DOCK4: variants seen among roughly 807,000 people sequenced by gnomAD.
DOCK4 encodes the protein dedicator of cytokinesis protein 4.
Under a neutral mutation model 268.1 loss-of-function variants are expected in DOCK4, and 97 were observed. That is an observed-to-expected ratio of 0.36 (90% CI 0.31 to 0.43). The LOEUF (loss-of-function observed/expected upper bound fraction) is 0.43. DOCK4 is among the 20% of genes least tolerant of loss of function. The pLI is 1.00. For synonymous variants in DOCK4, 954 were observed against 887.2 expected, an observed-to-expected ratio of 1.08 and a Z score of -1.34; for missense variants, 2,145 against 2,455.7, an observed-to-expected ratio of 0.87 and a Z score of 2.67.
At chr7:111,783,774 G>A in intron 34 of DOCK4, 83 bp downstream of exon 34, 1 of 1,209,504 alleles carries the variant, frequency 8.3e-7, no homozygotes, top group Non-Finnish European at 1.2e-6. Flanking sequence ...TCACAAGAGT[G>A]GAACGTTGAT....
At chr7:111,797,392 C>A (rs183074448) in intron 30 of DOCK4, among the ~76,000 whole-genome samples, 2 of 152,198 alleles carry the variant, frequency 1.3e-5, no homozygotes, top group African/African-American at 4.8e-5. Flanking sequence ...TTCCGAAGAC[C>A]CTAATAGGTA....
intron 15 of DOCK4, among the ~76,000 whole-genome samples, chr7:111,897,371 T>C (rs28472754): frequency 0.47 from 70,890 of 151,384 alleles, 18,202 homozygotes; most frequent in African/African-American, 0.7. Context: ...TCTTTCTTAA[T>C]GTCATTTAAT....
chr7:111,983,366 A>C (rs1798752933), intron 7 of DOCK4, among the ~76,000 whole-genome samples: 2 of 152,172 alleles, frequency 1.3e-5, no homozygotes, highest in Admixed American at 6.5e-5. Flanking sequence ...ATCATCCAAA[A>C]AGGAGTCTAC....
chr7:112,161,505 T>G lies in DOCK4; in HGVS notation c.37+44597A>C, dbSNP rs902709879. The stretch of plus-strand genomic sequence containing the variant: ...GAAAGGGTAACCAGAGAATTTTGCT[T>G]TGACCCTGGGATCTGTCTTTATCAT... On this transcript the variant is annotated intron_variant, in intron 1 of 52. Transcript: ENST00000428084. Among the ~76,000 whole-genome samples, 10 of 152,236 alleles carry G rather than the reference T, an allele frequency of 6.6e-5. 1 individual carries two copies. Among genetic ancestry groups the G allele is most frequent in the Admixed American group, 6.5e-4 (10 of 15,282 alleles).
At chr7:111,781,899 C>T (rs1235919666) in intron 35 of DOCK4, among the ~76,000 whole-genome samples, 1 of 152,052 alleles carries the variant, frequency 6.6e-6, no homozygotes, top group African/African-American at 2.4e-5. Flanking sequence ...AAATAGAGAA[C>T]TATATGGCAT....
chr7:112,160,052 T>C (rs541097155), intron 1 of DOCK4, among the ~76,000 whole-genome samples: 1 of 151,920 alleles, frequency 6.6e-6, no homozygotes, highest in Non-Finnish European at 1.5e-5. Context: ...GTAAATATAA[T>C]GCAAATATTT....
chr7:111,930,749 C>T (rs1397664372), intron 12 of DOCK4, among the ~76,000 whole-genome samples: 1 of 152,140 alleles, frequency 6.6e-6, no homozygotes, highest in African/African-American at 2.4e-5. Context: ...CATGAATGTG[C>T]CTCCCTTTCA....
At position 111,741,357 on chromosome 7, in the gene DOCK4, G is replaced by A. The variant is rs1027301648; in HGVS notation, c.4920-143C>T. 4 of 1,417,708 alleles carry A rather than the reference G, an allele frequency of 2.8e-6. No homozygotes were observed. The Admixed American group carries it at 6.4e-5, about 23-fold the overall frequency. The allele number at this position is 1,417,708 out of a possible 1,614,324, so 87.8% of individuals were successfully genotyped here. A position where few individuals can be genotyped will look rare whatever the true frequency, so the allele number is the denominator to read the frequency against. ...TGCCTCAATATAATCAAATGTTTGAGTTTATTTATTTCTCATGCTGTTGCT... is the reference window on the plus strand; with the variant it reads ...TGCCTCAATATAATCAAATGTTTGAATTTATTTATTTCTCATGCTGTTGCT... On this transcript the variant is annotated intron_variant, in intron 46 of 52. Coordinates refer to ENST00000428084, the MANE Select transcript of DOCK4 (RefSeq NM_001363540.2).
At chr7:111,761,414 C>G (rs551419247) in intron 39 of DOCK4, among the ~76,000 whole-genome samples, 1 of 152,230 alleles carries the variant, frequency 6.6e-6, no homozygotes, top group East Asian at 1.9e-4. Context: ...AAATTCTGGT[C>G]TGAGTCCAAA....
At chr7:112,019,390 C>G (rs1379992380) in intron 1 of DOCK4, among the ~76,000 whole-genome samples, 4 of 152,108 alleles carry the variant, frequency 2.6e-5, no homozygotes, top group Admixed American at 2.6e-4. Flanking sequence ...ATTTTATAGC[C>G]TCTGCTAACA....
At position 111,972,977 on chromosome 7, in the gene DOCK4, C is replaced by T. The variant is rs114754827; in HGVS notation, c.701+4155G>A. On this transcript the variant is annotated intron_variant, in intron 8 of 52. Coordinates refer to ENST00000428084, the MANE Select transcript of DOCK4 (RefSeq NM_001363540.2). ...TTTCCCTGGAGTTCATAAAGTCTAT[C>T]GTATCATTCCTATGCCTTTACATCC... is the stretch of plus-strand genomic sequence containing the variant. 5.4e-3 allele frequency among the ~76,000 whole-genome samples: 823 copies of T among 151,642 alleles called. 10 individuals carry two copies. Among genetic ancestry groups the T allele is most frequent in the African/African-American group, 0.019 (768 of 41,356 alleles).
At chr7:112,100,942 T>C (rs1473721682) in intron 1 of DOCK4, among the ~76,000 whole-genome samples, 1 of 152,180 alleles carries the variant, frequency 6.6e-6, no homozygotes, top group Non-Finnish European at 1.5e-5. Context: ...TTCCAAACTC[T>C]GAGCTTTGAA....
At chr7:112,071,639 C>T (rs1299945730) in intron 1 of DOCK4, among the ~76,000 whole-genome samples, 3 of 152,176 alleles carry the variant, frequency 2.0e-5, no homozygotes, top group Non-Finnish European at 4.4e-5. Flanking sequence ...TCAGAGCAGT[C>T]TTCAATCTTC....
intron 1 of DOCK4, among the ~76,000 whole-genome samples, chr7:112,045,603 G>A (rs762517135): frequency 3.9e-5 from 6 of 152,220 alleles, no homozygotes; most frequent in African/African-American, 1.4e-4. Context: ...CTCCTTGGCT[G>A]AGAACAAAGA....
chr7:112,150,601 C>G (rs1206047413), intron 1 of DOCK4, among the ~76,000 whole-genome samples: 1 of 152,154 alleles, frequency 6.6e-6, no homozygotes, highest in African/African-American at 2.4e-5. Context: ...CATCCTAATA[C>G]CATTCACAGA....
In DOCK4 at chr7:111,871,983, G is replaced by T; in HGVS notation, c.2027+7C>A. ...TTCTAAACTAATTACAAGATACAGG[G>T]CCTTACCTGTATGCAAGTGCCCCAG... is the stretch of plus-strand genomic sequence containing the variant. On this transcript the variant is annotated splice_region_variant and intron_variant, in intron 20 of 52. Coordinates refer to ENST00000428084, the MANE Select transcript of DOCK4 (RefSeq NM_001363540.2). The T allele has an allele frequency of 6.5e-7, 1 of 1,541,724 alleles. No individual in the cohort carries two copies. Among genetic ancestry groups the T allele is most frequent in the Non-Finnish European group, 8.8e-7 (1 of 1,140,580 alleles).
chr7:112,189,978 G>A (rs1300851800), intron 1 of DOCK4, among the ~76,000 whole-genome samples: 1 of 151,910 alleles, frequency 6.6e-6, no homozygotes, highest in Admixed American at 6.6e-5. Context: ...ATATACTTTT[G>A]ACAAATTCTA....
intron 13 of DOCK4, among the ~76,000 whole-genome samples, chr7:111,912,933 T>A (rs749648467): frequency 7.6e-4 from 116 of 152,228 alleles, no homozygotes; most frequent in Non-Finnish European, 1.5e-3. Context: ...CACAGAATTT[T>A]AGAAATTAAA....
intron 1 of DOCK4, among the ~76,000 whole-genome samples, chr7:112,120,884 A>G (rs550855870): frequency 6.6e-6 from 1 of 152,312 alleles, no homozygotes; most frequent in African/African-American, 2.4e-5. Context: ...CAAGGCCTGA[A>G]ATACATAATT....
Sources: allele counts gnomAD v4.1 joint callset (sites outside exome capture counted in the v4.1 genomes callset), GRCh38; gene constraint gnomAD v4.1.1; transcripts MANE v1.5; gene names NCBI Gene and HGNC (gene_info 2026-07-23, HGNC 2026-07-21).